The following HDAC9 variants were observed in gnomAD, a reference collection of about 807,000 sequenced individuals.
The protein encoded by HDAC9 is MEF-2 interacting transcription repressor (MITR) protein.
A neutral mutation model predicts 139.4 loss-of-function variants in HDAC9; 41 were observed. The ratio of observed to expected loss-of-function variants is 0.29; its 90% CI spans 0.23 to 0.38. HDAC9 has a LOEUF of 0.38. Among genes scored for constraint, HDAC9 ranks in the 10% least tolerant of loss-of-function variants. The probability of loss-of-function intolerance (pLI) is 1.00; values close to 1 mark genes in which losing one functional copy is unlikely to be tolerated. For synonymous variants in HDAC9, 517 were observed against 476.2 expected (o/e 1.09, Z -1.12); for missense variants, 1,147 against 1,297.0 (o/e 0.88, Z 1.78).
chr7:18,357,841 G>T (rs1225984816), intron 1 of HDAC9, among the ~76,000 whole-genome samples: 1 of 152,184 alleles, frequency 6.6e-6, no homozygotes, highest in African/African-American at 2.4e-5. Flanking sequence ...GCTAGGATGT[G>T]GCTTGGGGAG....
At chr7:18,209,860 C>T (rs960062395) in intron 2 of HDAC9, among the ~76,000 whole-genome samples, 2 of 152,082 alleles carry the variant, frequency 1.3e-5, no homozygotes, top group Non-Finnish European at 2.9e-5. Context: ...GCCACCACGC[C>T]TGGCTAATTT....
intron 21 of HDAC9, among the ~76,000 whole-genome samples, chr7:18,870,004 A>T (rs147911226): frequency 6.7e-4 from 102 of 151,732 alleles, no homozygotes; most frequent in South Asian, 8.3e-4. Flanking sequence ...TTATTTTGAT[A>T]TTCTGATACT....
At chr7:18,295,775 A>T (rs972670176) in intron 1 of HDAC9, among the ~76,000 whole-genome samples, 3 of 152,172 alleles carry the variant, frequency 2.0e-5, no homozygotes, top group African/African-American at 7.2e-5. Flanking sequence ...ACATTTGGCA[A>T]TGTCTAGAGA....
chr7:18,629,435 T>C lies in HDAC9; in HGVS notation c.750T>C (p.Asp250=). The C allele has an allele frequency of 6.2e-7, 1 of 1,611,814 alleles. No homozygotes were observed. Among genetic ancestry groups the C allele is most frequent in the Non-Finnish European group, 8.5e-7 (1 of 1,178,914 alleles). ...RRSSPLLRRK[D]GNVVTSFKKR... ...GCAGCCCCTTACTCAGGCGGAAGGATGGAAATGTTGTCACTTCATTCAAGA... is the reference window on the plus strand; with the variant it reads ...GCAGCCCCTTACTCAGGCGGAAGGACGGAAATGTTGTCACTTCATTCAAGA... Residue 250 remains aspartate, a synonymous_variant, in exon 7 of 26, where the codon GAT becomes GAC. Coordinates refer to ENST00000686413, the MANE Select transcript of HDAC9 (RefSeq NM_178425.4).
At chr7:18,750,166 C>G (rs1421721253) in intron 14 of HDAC9, among the ~76,000 whole-genome samples, 1 of 152,190 alleles carries the variant, frequency 6.6e-6, no homozygotes, top group African/African-American at 2.4e-5. Flanking sequence ...TTACATCAAT[C>G]TGATCCCCTT....
At chr7:18,503,918 CA>C (rs1799056704) in intron 2 of HDAC9, among the ~76,000 whole-genome samples, 1 of 152,070 alleles carries the variant, frequency 6.6e-6, no homozygotes, top group Non-Finnish European at 1.5e-5. Context: ...GAAGTTGTTT[CA>C]AAATTTGAAA....
intron 1 of HDAC9, among the ~76,000 whole-genome samples, chr7:18,342,392 C>G (rs949778245): frequency 6.6e-6 from 1 of 151,864 alleles, no homozygotes; most frequent in African/African-American, 2.4e-5. Flanking sequence ...ACAGGGATTA[C>G]TCTCCTTTGT....
At chr7:18,408,577 A>G (rs1471015598) in intron 1 of HDAC9, among the ~76,000 whole-genome samples, 2 of 152,196 alleles carry the variant, frequency 1.3e-5, no homozygotes, top group South Asian at 2.1e-4. Context: ...AATTCCTTGT[A>G]TGACTAGCTG....
chr7:18,933,784 CAT>C (rs1414471286), intron 22 of HDAC9, among the ~76,000 whole-genome samples: 1 of 151,900 alleles, frequency 6.6e-6, no homozygotes, highest in Non-Finnish European at 1.5e-5. Flanking sequence ...GAAATAAAAA[CAT>C]AAACAAGGAG....
At chr7:18,548,795 A>AAT (rs1816096529) in intron 2 of HDAC9, among the ~76,000 whole-genome samples, 1 of 152,202 alleles carries the variant, frequency 6.6e-6, no homozygotes. Flanking sequence ...TCAGTGGGTA[A>AAT]ATATATATAT....
intron 2 of HDAC9, among the ~76,000 whole-genome samples, chr7:18,284,135 T>C (rs1209070201): frequency 2.0e-5 from 3 of 152,166 alleles, no homozygotes; most frequent in Non-Finnish European, 2.9e-5. Context: ...TTTTGTGTAG[T>C]GTAGGATAAT....
chr7:18,410,130 A>T (rs10261474), intron 1 of HDAC9, among the ~76,000 whole-genome samples: 4,556 of 152,198 alleles, frequency 0.03, 237 homozygotes, highest in African/African-American at 0.1. Flanking sequence ...TGGTAAATAT[A>T]TAATGTAGTT....
chr7:18,231,458 G>T (rs1388050569), intron 2 of HDAC9, among the ~76,000 whole-genome samples: 4 of 152,200 alleles, frequency 2.6e-5, no homozygotes, highest in Non-Finnish European at 4.4e-5. Flanking sequence ...GACTACCTGA[G>T]TCAGCTAGAT....
intron 2 of HDAC9, among the ~76,000 whole-genome samples, chr7:18,534,961 A>T (rs1760342148): frequency 6.6e-6 from 1 of 152,116 alleles, no homozygotes; most frequent in Non-Finnish European, 1.5e-5. Flanking sequence ...TGCGCTTTTG[A>T]CCTTGCGCTT....
chr7:18,205,714 T>A (rs1310401103), intron 2 of HDAC9, among the ~76,000 whole-genome samples: 1 of 152,160 alleles, frequency 6.6e-6, no homozygotes, highest in African/African-American at 2.4e-5. Flanking sequence ...TTCATCTTTT[T>A]AATTTTCTAA....
At chr7:18,435,554 T>A (rs1322598557) in intron 1 of HDAC9, among the ~76,000 whole-genome samples, 2 of 152,132 alleles carry the variant, frequency 1.3e-5, no homozygotes, top group Admixed American at 1.3e-4. Context: ...ATTATTCATT[T>A]GACCCTAGTT....
intron 22 of HDAC9, among the ~76,000 whole-genome samples, chr7:18,928,619 G>A (rs1027808820): frequency 6.6e-6 from 1 of 151,996 alleles, no homozygotes; most frequent in Non-Finnish European, 1.5e-5. Context: ...TGGTGCATGG[G>A]TACATTTTAA....
chr7:18,413,304 T>G (rs909948174), intron 1 of HDAC9, among the ~76,000 whole-genome samples: 1 of 152,184 alleles, frequency 6.6e-6, no homozygotes, highest in Non-Finnish European at 1.5e-5. Flanking sequence ...AATATACCAC[T>G]GGTTCTCTAG....
At position 18,726,685 on chromosome 7, in the gene HDAC9, AT is replaced by A. The variant is rs1447216467; in HGVS notation, c.1732-890del. 5.3e-5 allele frequency among the ~76,000 whole-genome samples: 8 copies of A among 150,758 alleles called. No homozygotes were observed. The East Asian group carries it at 1.5e-3, about 29-fold the overall frequency. On this transcript the variant is annotated intron_variant, in intron 12 of 25. Transcript: ENST00000686413. ...TGTAGTATATATATTTTTGATAAAT[AT>A]TTTTATTAATAAATAAATAAATTCT... is the stretch of plus-strand genomic sequence containing the variant.
Sources: allele counts gnomAD v4.1 joint callset (sites outside exome capture counted in the v4.1 genomes callset), GRCh38; gene constraint gnomAD v4.1.1; transcripts MANE v1.5; gene names NCBI Gene and HGNC (gene_info 2026-07-23, HGNC 2026-07-21).